LRRC4C: variants seen among roughly 807,000 people sequenced by gnomAD.
LRRC4C encodes the protein leucine-rich repeat-containing protein 4C.
LRRC4C carries 5 observed loss-of-function variants against 33.6 expected under a neutral mutation model. That is an observed-to-expected ratio of 0.15 (90% CI 0.08 to 0.31). LRRC4C has a LOEUF of 0.31. Ranked by LOEUF, LRRC4C falls within the 10% of genes least tolerant of loss-of-function variation. The pLI, the probability that LRRC4C is intolerant of heterozygous loss-of-function variation, is 1.00. For missense variants in LRRC4C, 560 were observed against 796.7 expected (o/e 0.70, Z 3.58); for synonymous variants, 329 against 302.0 (o/e 1.09, Z -0.93).
chr11:40,661,150 T>G (rs900900028), intron 2 of LRRC4C, among the ~76,000 whole-genome samples: 4 of 152,172 alleles, frequency 2.6e-5, no homozygotes, highest in Admixed American at 2.0e-4. Flanking sequence ...TAATGATAAC[T>G]GATATAACTC....
rs965191732 is a variant in LRRC4C at position 40,327,851 on chromosome 11, A to G, written c.-269-8130T>C. Among the ~76,000 whole-genome samples, 7 of 152,286 alleles carry G rather than the reference A, an allele frequency of 4.6e-5. No homozygotes were observed. In the East Asian group the frequency reaches 1.4e-3, roughly 29 times the overall value. ...ATTAATAACAAAAACAATAAAGTTG[A>G]TTACTTTTATGTTGACCTATAAAAA... is the stretch of plus-strand genomic sequence containing the variant. On this transcript the variant is annotated intron_variant, in intron 3 of 6. Coordinates refer to ENST00000528697, the MANE Select transcript of LRRC4C (RefSeq NM_001258419.2).
intron 1 of LRRC4C, among the ~76,000 whole-genome samples, chr11:41,399,746 T>C (rs1953956261): frequency 6.6e-6 from 1 of 151,978 alleles, no homozygotes; most frequent in Non-Finnish European, 1.5e-5. Context: ...GATGTGGCAC[T>C]TTAAGGAGAT....
intron 5 of LRRC4C, among the ~76,000 whole-genome samples, chr11:40,184,963 T>G (rs1489125391): frequency 2.0e-5 from 3 of 152,152 alleles, no homozygotes; most frequent in African/African-American, 7.2e-5. Context: ...CACGATAACA[T>G]TTAAATAAGG....
At chr11:41,411,537 A>T (rs1027473113) in intron 1 of LRRC4C, among the ~76,000 whole-genome samples, 1 of 152,186 alleles carries the variant, frequency 6.6e-6, no homozygotes, top group Non-Finnish European at 1.5e-5. Flanking sequence ...GGAATAAAAA[A>T]GAGAAAAATT....
intron 2 of LRRC4C, among the ~76,000 whole-genome samples, chr11:40,821,502 C>A (rs1350696138): frequency 6.6e-6 from 1 of 151,352 alleles, no homozygotes; most frequent in Non-Finnish European, 1.5e-5. Context: ...CAGGTGTAGT[C>A]AATTAATTTT....
intron 3 of LRRC4C, chr11:40,446,297 A>G (rs1255642246): frequency 6.6e-6 from 1 of 152,162 alleles, no homozygotes; most frequent in Non-Finnish European, 1.5e-5. Context: ...AGGCATCTAG[A>G]TTCTCTCAAG....
chr11:40,911,667 T>A (rs1248953251), intron 2 of LRRC4C, among the ~76,000 whole-genome samples: 1 of 152,182 alleles, frequency 6.6e-6, no homozygotes, highest in East Asian at 1.9e-4. Flanking sequence ...ATGCGGCTCC[T>A]CACCAGCAAT....
chr11:41,287,661 A>T (rs1037892295), intron 1 of LRRC4C, among the ~76,000 whole-genome samples: 2 of 152,138 alleles, frequency 1.3e-5, no homozygotes, highest in Non-Finnish European at 2.9e-5. Flanking sequence ...CTGATAAAAC[A>T]GAGTTTTTAA....
At chr11:40,273,263 A>C (rs967338299) in intron 4 of LRRC4C, among the ~76,000 whole-genome samples, 1 of 152,106 alleles carries the variant, frequency 6.6e-6, no homozygotes, top group Non-Finnish European at 1.5e-5. Context: ...ATTAGTAGGT[A>C]ATGTGGTAAG....
chr11:40,741,380 A>T (rs1331329680), intron 2 of LRRC4C, among the ~76,000 whole-genome samples: 1 of 152,056 alleles, frequency 6.6e-6, no homozygotes, highest in Non-Finnish European at 1.5e-5. Flanking sequence ...TCAAGACTTG[A>T]AGTCTTCAAT....
chr11:40,186,030 C>A (rs1015257093), intron 5 of LRRC4C, among the ~76,000 whole-genome samples: 1 of 152,186 alleles, frequency 6.6e-6, no homozygotes, highest in Admixed American at 6.5e-5. Context: ...CTTAGTACTT[C>A]CTGCAATCTG....
chr11:41,146,330 G>A (rs527888750), intron 1 of LRRC4C, among the ~76,000 whole-genome samples: 1 of 152,298 alleles, frequency 6.6e-6, no homozygotes, highest in East Asian at 1.9e-4. Flanking sequence ...GGAGTCAGGT[G>A]CTTAATTGAC....
At chr11:41,301,141 T>C (rs938621400) in intron 1 of LRRC4C, among the ~76,000 whole-genome samples, 1 of 152,186 alleles carries the variant, frequency 6.6e-6, no homozygotes, top group Non-Finnish European at 1.5e-5. Context: ...CAGCCCACTG[T>C]GTATTTGCTG....
At position 40,489,096 on chromosome 11, in the gene LRRC4C, C is replaced by T. The variant is rs1380624190; in HGVS notation, c.-270+159046G>A. Among the ~76,000 whole-genome samples the T allele has an allele frequency of 2.6e-5, 4 of 152,234 alleles. 1 individual carries two copies. The highest frequency in any genetic ancestry group is 2.6e-4 in the Admixed American group (4 of 15,268). On this transcript the variant is annotated intron_variant, in intron 3 of 6. Coordinates refer to ENST00000528697, the MANE Select transcript of LRRC4C (RefSeq NM_001258419.2). ...CCTCCACATTTACAATCACCAGGTC[C>T]TGTCTATTTTTCCCCTTAATTTCTG...
intron 1 of LRRC4C, among the ~76,000 whole-genome samples, chr11:41,408,255 G>A (rs1954316708): frequency 6.6e-6 from 1 of 152,120 alleles, no homozygotes; most frequent in African/African-American, 2.4e-5. Flanking sequence ...TGAGAGGATT[G>A]TACTTAACAG....
intron 1 of LRRC4C, among the ~76,000 whole-genome samples, chr11:40,955,239 C>A (rs1958904388): frequency 6.6e-6 from 1 of 151,734 alleles, no homozygotes; most frequent in Non-Finnish European, 1.5e-5. Flanking sequence ...AAGCAGGGGA[C>A]AAACGTGTAC....
chr11:40,977,166 T>C (rs1365975345), intron 1 of LRRC4C, among the ~76,000 whole-genome samples: 18 of 152,060 alleles, frequency 1.2e-4, no homozygotes, highest in Non-Finnish European at 1.2e-4. Context: ...CTGACAAGAA[T>C]CAGAACTCAG....
At chr11:40,690,501 G>A (rs771590976) in intron 2 of LRRC4C, among the ~76,000 whole-genome samples, 7 of 151,992 alleles carry the variant, frequency 4.6e-5, no homozygotes, top group Non-Finnish European at 1.0e-4. Context: ...AGCTTTATAG[G>A]CGAAAAAACA....
chr11:40,913,149 G>A (rs1956777582), intron 2 of LRRC4C, among the ~76,000 whole-genome samples: 1 of 152,066 alleles, frequency 6.6e-6, no homozygotes, highest in Non-Finnish European at 1.5e-5. Flanking sequence ...GAGACAGAAA[G>A]TCAACAAGGA....
Sources: allele counts gnomAD v4.1 joint callset (sites outside exome capture counted in the v4.1 genomes callset), GRCh38; gene constraint gnomAD v4.1.1; transcripts MANE v1.5; gene names NCBI Gene and HGNC (gene_info 2026-07-23, HGNC 2026-07-21).